The following UGT1A3 variants were observed in gnomAD, a reference collection of about 807,000 sequenced individuals.
UGT1A3 encodes the protein UDP-glucuronosyltransferase 1A3.
In UGT1A3, 31 loss-of-function variants were observed where a neutral mutation model predicts 41.0. That is an observed-to-expected ratio of 0.76 (90% confidence interval 0.57 to 1.02). The LOEUF (loss-of-function observed/expected upper bound fraction) is 1.02, where lower values mean the gene tolerates loss of function less well. Ranked by LOEUF, UGT1A3 falls within the 50% of genes least tolerant of loss-of-function variation. The pLI is 0.00. For missense variants in UGT1A3, 737 were observed against 671.0 expected, an observed-to-expected ratio of 1.10 and a Z score of -1.09; for synonymous variants, 262 against 257.6, an observed-to-expected ratio of 1.02 and a Z score of -0.17.
rs1205477836 is a variant in UGT1A3 at position 233,760,858 on chromosome 2, TC to T, written c.868-6174del. 2.5e-6 allele frequency: 4 copies of T among 1,613,972 alleles called. No homozygotes were observed. In the African/African-American group the frequency reaches 4.0e-5, roughly 16 times the overall value. On this transcript the variant is annotated intron_variant, in intron 1 of 4. Transcript: ENST00000482026. ...GGCTACCCAGTGCCCCAACCCATTC[TC>T]CTACGTGCCCAGGCCTCTCTCCTCT... is the stretch of plus-strand genomic sequence containing the variant.
chr2:233,731,071 A>T (rs1317636951), intron 1 of UGT1A3, among the ~76,000 whole-genome samples: 1 of 151,958 alleles, frequency 6.6e-6, no homozygotes, highest in Admixed American at 6.6e-5. Flanking sequence ...CATGATTTAG[A>T]TCCTTTTGTA....
chr2:233,735,710 G>A (rs2078686166), intron 1 of UGT1A3, among the ~76,000 whole-genome samples: 1 of 152,114 alleles, frequency 6.6e-6, no homozygotes, highest in Non-Finnish European at 1.5e-5. Context: ...GCCTGGTGGT[G>A]ACAAAATCTC....
intron 1 of UGT1A3, among the ~76,000 whole-genome samples, chr2:233,763,435 T>G (rs1698313873): frequency 6.6e-6 from 1 of 152,248 alleles, no homozygotes; most frequent in African/African-American, 2.4e-5. Flanking sequence ...GTTGCTTTAA[T>G]AAGTGCATTT....
chr2:233,757,675 A>T (rs1397708687), intron 1 of UGT1A3, among the ~76,000 whole-genome samples: 1 of 151,408 alleles, frequency 6.6e-6, no homozygotes, highest in Non-Finnish European at 1.5e-5. Flanking sequence ...AATTCAAGGA[A>T]TTCAAGGGAT....
At chr2:233,760,487 A>G (rs2125984867) in intron 1 of UGT1A3, 1 of 1,614,244 alleles carries the variant, frequency 6.2e-7, no homozygotes, top group Non-Finnish European at 8.5e-7. Context: ...GCCTCGTTGT[A>G]CATCAGAGAC....
chr2:233,733,733 C>T (rs1439271515), intron 1 of UGT1A3, among the ~76,000 whole-genome samples: 1 of 152,152 alleles, frequency 6.6e-6, no homozygotes, highest in Non-Finnish European at 1.5e-5. Flanking sequence ...ATTTTTGCAT[C>T]GATGTTCATC....
chr2:233,737,897 T>G (rs1404906155), intron 1 of UGT1A3, among the ~76,000 whole-genome samples: 4 of 152,000 alleles, frequency 2.6e-5, no homozygotes, highest in African/African-American at 9.7e-5. Flanking sequence ...AATTTTCGAG[T>G]GTGGTAAAGA....
At chr2:233,763,733 T>C (rs528064995) in intron 1 of UGT1A3, among the ~76,000 whole-genome samples, 4 of 152,330 alleles carry the variant, frequency 2.6e-5, no homozygotes, top group South Asian at 4.1e-4. Flanking sequence ...CAACCTGGCA[T>C]TGGCGTGTCT....
At chr2:233,747,707 A>G (rs1693758037) in intron 1 of UGT1A3, 3 of 1,612,682 alleles carry the variant, frequency 1.9e-6, no homozygotes, top group African/African-American at 1.3e-5. Flanking sequence ...CTAAGTACCT[A>G]TCAATTCCTG....
chr2:233,754,845 G>C, intron 1 of UGT1A3: 5 of 1,344,470 alleles, frequency 3.7e-6, no homozygotes, highest in Non-Finnish European at 5.0e-6. Context: ...ACTGAAGGCA[G>C]AGAAAAGGGG....
intron 1 of UGT1A3, 91 bp downstream of exon 1, chr2:233,730,084 A>T: frequency 6.2e-7 from 1 of 1,601,106 alleles, no homozygotes. Flanking sequence ...ATATTTACTT[A>T]TCTTTCCAAA....
In UGT1A3 at chr2:233,772,306, G is replaced by A. The variant is rs200370335; in HGVS notation, c.1352G>A (p.Arg451His). The change falls in exon 5 of 5, where the codon CGC (arginine) becomes CAC (histidine). Residue 451 changes from arginine (R) to histidine (H), a missense_variant. By Grantham distance (29) the Arg-to-His change is conservative. Coordinates refer to ENST00000482026, the MANE Select transcript of UGT1A3 (RefSeq NM_019093.4). ...CGCCTCTCCAGCCTTCACAAGGACC[G>A]CCCGGTGGAGCCGCTGGACCTGGCC... ...IMRLSSLHKD[R>H]PVEPLDLAVF... 2.7e-5 allele frequency: 44 copies of A among 1,614,208 alleles called. No individual in the cohort carries two copies. Among genetic ancestry groups the A allele is most frequent in the Middle Eastern group, 3.3e-4 (2 of 6,062 alleles).
intron 1 of UGT1A3, among the ~76,000 whole-genome samples, chr2:233,751,256 G>C (rs772853409): frequency 1.3e-5 from 2 of 151,926 alleles, no homozygotes; most frequent in South Asian, 4.1e-4. Context: ...CATGGGGCCT[G>C]TAGCCCCCTT....
Position 233,747,246 on chromosome 2 carries a change from G to C in UGT1A3, c.867+17253G>C, listed in dbSNP as rs1208197105. On this transcript the variant is annotated intron_variant, in intron 1 of 4. Coordinates refer to ENST00000482026, the MANE Select transcript of UGT1A3 (RefSeq NM_019093.4). ...CAGGACCCCAGGTTCCCCTGCTGTG[G>C]CTGGCCACAGGAGTGCTACTCCTTC... The C allele has an allele frequency of 3.7e-6, 6 of 1,601,870 alleles. No individual in the cohort carries two copies. The African/African-American group carries it at 5.4e-5, about 14-fold the overall frequency.
rs747061628 is a variant in UGT1A3 at position 233,729,363 on chromosome 2, C to G, written c.237C>G (p.Thr79=). The part of the protein sequence containing the change: ...IKEENFFTLT[T]YAISWTQDEF... ...AAGAGAACTTTTTCACCCTGACAAC[C>G]TATGCCATTTCGTGGACCCAGGATG... is the stretch of plus-strand genomic sequence containing the variant. The change falls in exon 1 of 5, where the codon ACC becomes ACG. Residue 79 remains threonine (T), a synonymous_variant. Transcript: ENST00000482026. 5.6e-6 allele frequency: 9 copies of G among 1,614,038 alleles called. No homozygotes were observed. Among genetic ancestry groups the G allele is most frequent in the Non-Finnish European group, 5.9e-6 (7 of 1,179,998 alleles).
chr2:233,729,272 G>C lies in UGT1A3; in HGVS notation c.146G>C (p.Arg49Pro). The C allele has an allele frequency of 6.2e-7, 1 of 1,614,200 alleles. No homozygotes were observed. Among genetic ancestry groups the C allele is most frequent in the South Asian group, 1.1e-5 (1 of 91,080 alleles). Reference protein sequence around the residue: ...SHWLSMREVLRELHARGHQAV... With the variant: ...SHWLSMREVLPELHARGHQAV... ...TGGCTCAGCATGCGGGAGGTCTTGC[G>C]GGAGCTCCATGCCAGAGGCCACCAG... is the stretch of plus-strand genomic sequence containing the variant. Residue 49 changes from arginine (R) to proline (P), a missense_variant, in exon 1 of 5, where the codon CGG becomes CCG. By Grantham distance (103) the Arg-to-Pro change is moderately radical. Transcript: ENST00000482026.
At chr2:233,751,023 A>T (rs193102367) in intron 1 of UGT1A3, among the ~76,000 whole-genome samples, 1 of 151,978 alleles carries the variant, frequency 6.6e-6, no homozygotes, top group East Asian at 1.9e-4. Flanking sequence ...TAGTAGATCC[A>T]ATAGCTTGCA....
chr2:233,766,981 G>A, intron 1 of UGT1A3, 53 bp from the exon 2 acceptor site: 1 of 1,612,648 alleles, frequency 6.2e-7, no homozygotes, highest in Non-Finnish European at 8.5e-7. Flanking sequence ...ACTGTATGTA[G>A]TCATCAAAGA....
At chr2:233,745,643 G>C (rs1290211026) in intron 1 of UGT1A3, among the ~76,000 whole-genome samples, 1 of 151,416 alleles carries the variant, frequency 6.6e-6, no homozygotes, top group African/African-American at 2.4e-5. Context: ...CTGGCCGAGG[G>C]TAGAGTTCAG....
Sources: allele counts gnomAD v4.1 joint callset (sites outside exome capture counted in the v4.1 genomes callset), GRCh38; gene constraint gnomAD v4.1.1; transcripts MANE v1.5; gene names NCBI Gene and HGNC (gene_info 2026-07-23, HGNC 2026-07-21).